The following CYP4V2 variants were observed in gnomAD, a reference collection of about 807,000 sequenced individuals.
CYP4V2 encodes cytochrome P450 family 4 subfamily V member 2.
In CYP4V2, 55 loss-of-function variants were observed where a neutral mutation model predicts 60.8. The ratio of observed to expected loss-of-function variants is 0.90; its 90% CI spans 0.73 to 1.13. The LOEUF (loss-of-function observed/expected upper bound fraction) is 1.13, where lower values mean the gene tolerates loss of function less well. Among genes scored for constraint, CYP4V2 ranks in the 50% most tolerant of loss-of-function variants. CYP4V2 has a pLI of 0.00. For missense variants in CYP4V2, 675 were observed against 662.9 expected, an observed-to-expected ratio of 1.02 and a Z score of -0.20; for synonymous variants, 239 against 236.8, an observed-to-expected ratio of 1.01 and a Z score of -0.08.
intron 1 of CYP4V2, among the ~76,000 whole-genome samples, chr4:186,192,992 A>G (rs533478820): frequency 2.2e-4 from 34 of 152,320 alleles, no homozygotes; most frequent in South Asian, 8.3e-4. Context: ...TGTAATTTCA[A>G]CTTCACAAGA....
intron 5 of CYP4V2, 46 bp downstream of exon 5, chr4:186,197,648 G>A: frequency 6.3e-7 from 1 of 1,592,200 alleles, no homozygotes; most frequent in Non-Finnish European, 8.6e-7. Flanking sequence ...TATTGATTTA[G>A]GCTTTAAAAA....
Position 186,191,897 on chromosome 4 carries a change from C to A in CYP4V2, c.74C>A (p.Ala25Asp). ...LWGAASALSL[A>D]GASLVLSLLQ... ...GGCGCGGCGAGTGCCCTTTCCCTGG[C>A]CGGCGCCAGTCTGGTCCTGAGCCTG... The change falls in exon 1 of 11, where the codon GCC becomes GAC. Residue 25 changes from alanine to aspartate, a missense_variant. Physicochemically the swap from Ala to Asp is moderately radical, Grantham distance 126. Coordinates refer to ENST00000378802, the MANE Select transcript of CYP4V2 (RefSeq NM_207352.4). 2 of 1,591,546 alleles carry A rather than the reference C, an allele frequency of 1.3e-6. No individual in the cohort carries two copies. The highest frequency in any genetic ancestry group is 8.5e-7 in the Non-Finnish European group (1 of 1,172,994).
Position 186,201,222 on chromosome 4 carries a change from TG to T in CYP4V2, c.868del (p.Ala290ProfsTer15). On this transcript the variant is annotated frameshift_variant, in exon 7 of 11. Transcript: ENST00000378802. LOFTEE classifies it high-confidence loss of function. ...EDCRGDGRGS[A>X]PSKNKRRAFL... Reference sequence around the variant, plus strand: ...ACTGTAGAGGTGATGGCAGGGGCTCTGCCCCCTCCAAAAATAAACGCAGGGC... The same window carrying T: ...ACTGTAGAGGTGATGGCAGGGGCTCTCCCCCTCCAAAAATAAACGCAGGGC... 2 of 1,614,186 alleles carry T rather than the reference TG, an allele frequency of 1.2e-6. No individual in the cohort carries two copies. The highest frequency in any genetic ancestry group is 1.7e-6 in the Non-Finnish European group (2 of 1,180,030).
Position 186,191,647 on chromosome 4 carries a change from CCT to C in CYP4V2, c.-172_-171del. The C allele has an allele frequency of 2.1e-6, 1 of 469,760 alleles. No homozygotes were observed. The highest frequency in any genetic ancestry group is 3.3e-6 in the Non-Finnish European group (1 of 304,334). 29.1% of individuals were successfully genotyped at this position (469,760 alleles called of 1,614,324 possible). On this transcript the variant is annotated 5_prime_UTR_variant, in exon 1 of 11. Transcript: ENST00000378802. ...GGGCGCAGGAACAGCCCCGTGGCGC[CCT>C]CTCTGGCCGCCGCCCGGGCGGGAAA...
At chr4:186,201,503 T>C in intron 7 of CYP4V2, 161 bp downstream of exon 7, 1 of 833,268 alleles carries the variant, frequency 1.2e-6, no homozygotes, top group Non-Finnish European at 1.8e-6. Context: ...ACTGATTAAG[T>C]ACCAGCTCAA....
At chr4:186,199,276 A>G (rs1052893804) in intron 6 of CYP4V2, among the ~76,000 whole-genome samples, 193 bp downstream of exon 6, 4 of 152,208 alleles carry the variant, frequency 2.6e-5, no homozygotes, top group Admixed American at 6.5e-5. Context: ...GTGTAGGACT[A>G]TGGAGCCTAT....
intron 5 of CYP4V2, 143 bp from the exon 6 acceptor site, chr4:186,198,814 C>T (rs1736227082): frequency 4.0e-6 from 5 of 1,245,942 alleles, no homozygotes; most frequent in Non-Finnish European, 5.7e-6. Context: ...CACTGCTAAG[C>T]ATAAAACATG....
rs1736785078 is a variant in CYP4V2 at position 186,213,195 on chromosome 4, A to G, written c.*2554A>G. The G allele has an allele frequency of 6.6e-6, 1 of 152,234 alleles. No individual in the cohort carries two copies. Among genetic ancestry groups the G allele is most frequent in the Non-Finnish European group, 1.5e-5 (1 of 68,030 alleles). The allele number at this position is 152,234 out of a possible 1,614,324, so 9.4% of individuals were successfully genotyped here. A position where few individuals can be genotyped will look rare whatever the true frequency, so the allele number is the denominator to read the frequency against. On this transcript the variant is annotated 3_prime_UTR_variant, in exon 11 of 11. Coordinates refer to ENST00000378802, the MANE Select transcript of CYP4V2 (RefSeq NM_207352.4). ...CAGTAAGTCATTTAAGCTATGACAG[A>G]GTAGGAATTGAGAAATTATTTCATA...
chr4:186,208,906 C>T lies in CYP4V2; in HGVS notation c.1132C>T (p.Leu378Phe), dbSNP rs1237272749. ...CGCTACAGTAGAAGACCTGAAGAAACTTCGGTATCTGGAATGTGTTATTAA... is the reference window on the plus strand; with the variant it reads ...CGCTACAGTAGAAGACCTGAAGAAATTTCGGTATCTGGAATGTGTTATTAA... Reference protein sequence around the residue: ...RPATVEDLKKLRYLECVIKET... With the variant: ...RPATVEDLKKFRYLECVIKET... Residue 378 changes from leucine to phenylalanine, a missense_variant, in exon 9 of 11, where the codon CTT becomes TTT. By Grantham distance (22) the Leu-to-Phe change is conservative. Coordinates refer to ENST00000378802, the MANE Select transcript of CYP4V2 (RefSeq NM_207352.4). 1.2e-6 allele frequency: 2 copies of T among 1,614,198 alleles called. No individual in the cohort carries two copies. Among genetic ancestry groups the T allele is most frequent in the Non-Finnish European group, 8.5e-7 (1 of 1,180,026 alleles).
At chr4:186,194,723 C>T (rs1448334145) in intron 2 of CYP4V2, 111 bp downstream of exon 2, 2 of 983,122 alleles carry the variant, frequency 2.0e-6, no homozygotes, top group African/African-American at 1.6e-5. Flanking sequence ...GCACAAAAAA[C>T]ATTCCACTAA....
At position 186,195,480 on chromosome 4, in the gene CYP4V2, C is replaced by T. The variant is rs755522144; in HGVS notation, c.328-523C>T. On this transcript the variant is annotated intron_variant, in intron 2 of 10. Transcript: ENST00000378802. This position sits in a 1 kb window ranked among gnomAD's most constrained non-coding sequence, Gnocchi z 4.1. ...AGACCCCATCCCTCCTCCCACTTCA[C>T]GTGGACTCTGGGTGATCCGATCACG... is the stretch of plus-strand genomic sequence containing the variant. Among the ~76,000 whole-genome samples the T allele has an allele frequency of 6.4e-4, 98 of 152,214 alleles. No individual in the cohort carries two copies. Among genetic ancestry groups the T allele is most frequent in the Non-Finnish European group, 1.0e-3 (70 of 68,038 alleles).
chr4:186,197,245 T>G, intron 4 of CYP4V2, 115 bp downstream of exon 4: 2 of 1,306,634 alleles, frequency 1.5e-6, no homozygotes, highest in South Asian at 2.4e-5. Flanking sequence ...GACGGGCTCT[T>G]CAGCGCGGTT....
intron 4 of CYP4V2, 154 bp from the exon 5 acceptor site, chr4:186,197,379 C>G (rs1736181893): frequency 1.1e-6 from 1 of 892,792 alleles, no homozygotes; most frequent in Non-Finnish European, 1.8e-6. Flanking sequence ...TAGAAGTGGA[C>G]CGTACAAGAG....
chr4:186,201,059 A>G, intron 6 of CYP4V2, 98 bp from the exon 7 acceptor site: 1 of 1,247,310 alleles, frequency 8.0e-7, no homozygotes, highest in Non-Finnish European at 1.1e-6. Flanking sequence ...GCTTAGAAAA[A>G]TAAATGAAAG....
rs897447408 is a variant in CYP4V2 at position 186,197,183 on chromosome 4, A to C, written c.604+53A>C. On this transcript the variant is annotated intron_variant, in intron 4 of 10. Coordinates refer to ENST00000378802, the MANE Select transcript of CYP4V2 (RefSeq NM_207352.4). ...TTATGGCATAAAGAGAAAATGGCCC[A>C]AACAGGAAATCACACTCCACCGGGA... The C allele has an allele frequency of 2.5e-6, 4 of 1,598,746 alleles. No individual in the cohort carries two copies. The African/African-American group carries it at 4.0e-5, about 16-fold the overall frequency.
chr4:186,201,958 A>G (rs1365167371), intron 7 of CYP4V2: 1 of 152,674 alleles, frequency 6.5e-6, no homozygotes, highest in Non-Finnish European at 1.5e-5. Context: ...ATGTAGTAAT[A>G]TCGTCCACAT....
Position 186,201,323 on chromosome 4 carries a change from T to C in CYP4V2, c.968T>C (p.Val323Ala), listed in dbSNP as rs747139135. 5.0e-6 allele frequency: 8 copies of C among 1,614,182 alleles called. No homozygotes were observed. The highest frequency in any genetic ancestry group is 1.7e-5 in the Admixed American group (1 of 60,028). The stretch of plus-strand genomic sequence containing the variant: ...AGTCATGAAGATATTCGAGAAGAAG[T>C]TGACACCTTCATGTTTGAGGTATTG... The part of the protein sequence containing the change: ...RLSHEDIREE[V>A]DTFMFEGHDT... Residue 323 changes from valine (V) to alanine (A), a missense_variant, in exon 7 of 11, where the codon GTT becomes GCT. Coordinates refer to ENST00000378802, the MANE Select transcript of CYP4V2 (RefSeq NM_207352.4).
intron 8 of CYP4V2, 41 bp downstream of exon 8, chr4:186,205,343 T>C: frequency 6.4e-7 from 1 of 1,562,116 alleles, no homozygotes; most frequent in Non-Finnish European, 8.8e-7. Context: ...TGGTACTAAG[T>C]CTGCTGCAGA....
At position 186,198,962 on chromosome 4, in the gene CYP4V2, G is replaced by A. The variant is rs1736231523; in HGVS notation, c.680G>A (p.Ser227Asn). Residue 227 changes from serine (S) to asparagine (N), a missense_variant, in exon 6 of 11, where the codon AGT becomes AAT. Transcript: ENST00000378802. Reference sequence around the variant, plus strand: ...TATTTTTATCCCATTTATAGAATGAGTGAGATGATATTTCGAAGAATAAAG... The same window carrying A: ...TATTTTTATCCCATTTATAGAATGAATGAGATGATATTTCGAAGAATAAAG... ...SEYVRAVYRMSEMIFRRIKMP... is the reference protein window; with the variant it reads ...SEYVRAVYRMNEMIFRRIKMP... The A allele has an allele frequency of 3.7e-6, 6 of 1,613,974 alleles. No homozygotes were observed. The South Asian group carries it at 6.6e-5, about 18-fold the overall frequency.
Sources: allele counts gnomAD v4.1 joint callset (sites outside exome capture counted in the v4.1 genomes callset), GRCh38; gene constraint gnomAD v4.1.1; non-coding constraint Gnocchi (gnomAD v3.1); transcripts MANE v1.5; gene names NCBI Gene and HGNC (gene_info 2026-07-23, HGNC 2026-07-21).